Variants in DCBLD2 observed in about 807,000 individuals in gnomAD.
The protein encoded by DCBLD2 is discoidin, CUB and LCCL domain-containing protein 2.
Under a neutral mutation model 86.8 loss-of-function variants are expected in DCBLD2, and 54 were observed. The ratio of observed to expected loss-of-function variants is 0.62; its 90% confidence interval spans 0.50 to 0.78. DCBLD2 has a LOEUF of 0.78. Ranked by LOEUF, DCBLD2 falls within the 30% of genes least tolerant of loss-of-function variation. The pLI, the probability that DCBLD2 is intolerant of heterozygous loss-of-function variation, is 0.00. For synonymous variants in DCBLD2, 354 were observed against 341.3 expected (o/e 1.04, Z -0.41); for missense variants, 908 against 954.2 (o/e 0.95, Z 0.64).
At chr3:98,855,493 A>G (rs553192525) in intron 2 of DCBLD2, among the ~76,000 whole-genome samples, 1 of 152,240 alleles carries the variant, frequency 6.6e-6, no homozygotes, top group Non-Finnish European at 1.5e-5. Flanking sequence ...CATCTTCAAC[A>G]TAAAAAAGTG....
intron 2 of DCBLD2, among the ~76,000 whole-genome samples, chr3:98,866,368 C>A (rs1399397998): frequency 2.6e-5 from 4 of 152,176 alleles, no homozygotes; most frequent in Non-Finnish European, 5.9e-5. Flanking sequence ...CTCTCCAGCA[C>A]CTGTTATTTC....
intron 1 of DCBLD2, among the ~76,000 whole-genome samples, chr3:98,892,493 TCACCCTTTCC>T: frequency 6.6e-6 from 1 of 152,082 alleles, no homozygotes; most frequent in African/African-American, 2.4e-5. Flanking sequence ...GAGGGCCAAC[TCACCCTTTCC>T]TGGACCTTGT....
At chr3:98,837,337 CAG>C in intron 3 of DCBLD2, among the ~76,000 whole-genome samples, 1 of 6,324 alleles carries the variant, frequency 1.6e-4, no homozygotes, top group Admixed American at 1.4e-3. Flanking sequence ...GCTGGCCGGG[CAG>C]AGGGGCTCCT....
At chr3:98,847,050 T>C (rs1942739513) in intron 3 of DCBLD2, among the ~76,000 whole-genome samples, 1 of 152,182 alleles carries the variant, frequency 6.6e-6, no homozygotes, top group Non-Finnish European at 1.5e-5. Context: ...CCCAAGACTT[T>C]CAATAAGTAA....
intron 2 of DCBLD2, among the ~76,000 whole-genome samples, chr3:98,860,673 C>T (rs887408716): frequency 1.3e-5 from 2 of 152,188 alleles, no homozygotes; most frequent in Admixed American, 1.3e-4. Context: ...CAAGCAAACG[C>T]TGACAGATTT....
chr3:98,843,784 G>A (rs1232789017), intron 3 of DCBLD2, among the ~76,000 whole-genome samples: 1 of 152,034 alleles, frequency 6.6e-6, no homozygotes, highest in African/African-American at 2.4e-5. Flanking sequence ...TCTAAGGGGT[G>A]GCAGACAATG....
chr3:98,843,381 C>G (rs568446421), intron 3 of DCBLD2, among the ~76,000 whole-genome samples: 2 of 152,168 alleles, frequency 1.3e-5, no homozygotes, highest in East Asian at 3.9e-4. Flanking sequence ...CAAATAGGAA[C>G]CTAGCCAATT....
Position 98,879,629 on chromosome 3 carries a change from C to T in DCBLD2, c.433+1911G>A, listed in dbSNP as rs543349546. On this transcript the variant is annotated intron_variant, in intron 2 of 15. Coordinates refer to ENST00000326840, the MANE Select transcript of DCBLD2 (RefSeq NM_080927.4). The stretch of plus-strand genomic sequence containing the variant: ...GTCTCGATCACCTGACCTCGTGATC[C>T]GCCCACCTCGGTCTGATAATCTTAA... Among the ~76,000 whole-genome samples, 31 of 152,194 alleles carry T rather than the reference C, an allele frequency of 2.0e-4. No individual in the cohort carries two copies. In the East Asian group the frequency reaches 2.7e-3, roughly 13 times the overall value.
At chr3:98,879,156 A>G (rs946487432) in intron 2 of DCBLD2, among the ~76,000 whole-genome samples, 2 of 152,178 alleles carry the variant, frequency 1.3e-5, no homozygotes, top group African/African-American at 2.4e-5. Flanking sequence ...ACAAAAGTAG[A>G]AAGAAGAGGG....
rs1941666868 is a variant in DCBLD2, at chr3:98,799,099, G to C, written c.*273C>G. ...CTGTGATTTTTAATTTCTCTGAAGTGCATTATAGGGAGCTTTTTCTGTATT... is the reference window on the plus strand; with the variant it reads ...CTGTGATTTTTAATTTCTCTGAAGTCCATTATAGGGAGCTTTTTCTGTATT... On this transcript the variant is annotated 3_prime_UTR_variant, in exon 16 of 16. Coordinates refer to ENST00000326840, the MANE Select transcript of DCBLD2 (RefSeq NM_080927.4). 3.2e-6 allele frequency: 1 copy of C among 309,920 alleles called. No individual in the cohort carries two copies. The highest frequency in any genetic ancestry group is 2.2e-5 in the African/African-American group (1 of 46,412). The allele number at this position is 309,920 out of a possible 1,614,324, so 19.2% of individuals were successfully genotyped here. A position where few individuals can be genotyped will look rare whatever the true frequency, so the allele number is the denominator to read the frequency against.
At chr3:98,893,941 A>G (rs966025414) in intron 1 of DCBLD2, among the ~76,000 whole-genome samples, 2 of 152,156 alleles carry the variant, frequency 1.3e-5, no homozygotes, top group Non-Finnish European at 2.9e-5. Context: ...GATTAGCCAG[A>G]CCTCATTTGT....
intron 3 of DCBLD2, among the ~76,000 whole-genome samples, chr3:98,837,052 AC>A (rs1238179955): frequency 8.0e-5 from 2 of 24,950 alleles, no homozygotes; most frequent in Non-Finnish European, 1.5e-4. Flanking sequence ...GGGGGGGCTG[AC>A]CCCCCCCATC....
intron 1 of DCBLD2, among the ~76,000 whole-genome samples, chr3:98,887,588 T>C (rs1336943993): frequency 6.6e-6 from 1 of 152,048 alleles, no homozygotes; most frequent in Admixed American, 6.6e-5. Flanking sequence ...TCTTCTTTAG[T>C]GTTCACAAGG....
intron 3 of DCBLD2, among the ~76,000 whole-genome samples, chr3:98,838,168 G>T (rs1307961682): frequency 8.0e-6 from 1 of 125,046 alleles, no homozygotes; most frequent in Non-Finnish European, 1.8e-5. Flanking sequence ...CTCCCTCCCG[G>T]ACGGGGTGGC....
intron 13 of DCBLD2, among the ~76,000 whole-genome samples, chr3:98,803,623 A>G (rs188404272): frequency 6.6e-6 from 1 of 152,182 alleles, no homozygotes; most frequent in Non-Finnish European, 1.5e-5. Context: ...GTCTTGTGCC[A>G]GTTTTCAAAG....
chr3:98,836,890 T>A (rs867776439), intron 3 of DCBLD2, among the ~76,000 whole-genome samples: 1,540 of 58,290 alleles, frequency 0.026, 23 homozygotes, highest in Non-Finnish European at 0.031. Flanking sequence ...CCCACCTCCC[T>A]CCCGGAGGGG....
chr3:98,832,574 A>AT (rs1164510408), intron 3 of DCBLD2, among the ~76,000 whole-genome samples: 1 of 151,972 alleles, frequency 6.6e-6, no homozygotes. Context: ...TGGTGTTTTA[A>AT]TGGTTTTTCT....
chr3:98,798,532 G>C lies in DCBLD2; in HGVS notation c.*840C>G, dbSNP rs1211289631. ...CCATTGCAAATAAAGTTGGGGGTGG[G>C]AGAAGAATCTCCTTTAAAGCTTTCA... On this transcript the variant is annotated 3_prime_UTR_variant, in exon 16 of 16. Transcript: ENST00000326840. 1 of 152,148 alleles carries C rather than the reference G, an allele frequency of 6.6e-6. No homozygotes were observed. The highest frequency in any genetic ancestry group is 1.5e-5 in the Non-Finnish European group (1 of 68,020). 9.4% of individuals were successfully genotyped at this position (152,148 alleles called of 1,614,324 possible).
chr3:98,897,685 ATTTG>A (rs1943773764), intron 1 of DCBLD2, among the ~76,000 whole-genome samples: 1 of 152,118 alleles, frequency 6.6e-6, no homozygotes, highest in Non-Finnish European at 1.5e-5. Context: ...AATGAACCTG[ATTTG>A]TTTCACAGAT....
Sources: allele counts gnomAD v4.1 joint callset (sites outside exome capture counted in the v4.1 genomes callset), GRCh38; gene constraint gnomAD v4.1.1; transcripts MANE v1.5; gene names NCBI Gene and HGNC (gene_info 2026-07-23, HGNC 2026-07-21).